The following DMD variants were observed in gnomAD, a reference collection of about 807,000 sequenced individuals.
DMD encodes the protein mutant dystrophin.
In DMD, 63 loss-of-function variants were observed where a neutral mutation model predicts 330.1. The ratio of observed to expected loss-of-function variants is 0.19; its 90% CI spans 0.16 to 0.24. The LOEUF is 0.24. DMD is among the 10% of genes least tolerant of loss of function. The probability of loss-of-function intolerance (pLI) is 1.00; values close to 1 mark genes in which losing one functional copy is unlikely to be tolerated. For synonymous variants in DMD, 1,223 were observed against 959.8 expected (o/e 1.27, Z -5.07); for missense variants, 3,344 against 2,684.1 (o/e 1.25, Z -5.43).
chrX:33,194,708 A>T (rs1309335911), intron 1 of DMD, among the ~76,000 whole-genome samples: 2 of 111,013 alleles, frequency 1.8e-5, no homozygotes, highest in Non-Finnish European at 3.8e-5. Context: ...AGGGCCTACT[A>T]CTTCAGTAAA....
intron 4 of DMD, among the ~76,000 whole-genome samples, chrX:32,838,803 A>G (rs1000837825): frequency 2.0e-4 from 23 of 112,299 alleles, no homozygotes; most frequent in Non-Finnish European, 3.9e-4. Context: ...ATGGAGAAAT[A>G]GGAATGCTTT....
intron 34 of DMD, among the ~76,000 whole-genome samples, chrX:32,365,445 A>T (rs1217884854): frequency 9.0e-6 from 1 of 111,129 alleles, no homozygotes; most frequent in South Asian, 3.7e-4. Context: ...ATAAACATAC[A>T]TATTGTTCAA....
At chrX:32,171,932 A>G (rs1248430616) in intron 44 of DMD, among the ~76,000 whole-genome samples, 5 of 111,870 alleles carry the variant, frequency 4.5e-5, no homozygotes, top group Non-Finnish European at 7.5e-5. Flanking sequence ...AAAGAAAAAA[A>G]TCAAATTCCT....
At chrX:31,753,281 G>A (rs1486521281) in intron 51 of DMD, among the ~76,000 whole-genome samples, 2 of 111,995 alleles carry the variant, frequency 1.8e-5, no homozygotes, top group Non-Finnish European at 3.8e-5. Context: ...TCATTTTCAG[G>A]TAAATGACCT....
intron 20 of DMD, among the ~76,000 whole-genome samples, chrX:32,486,185 C>T (rs1444668796): frequency 9.0e-6 from 1 of 111,197 alleles, no homozygotes; most frequent in East Asian, 2.8e-4. Flanking sequence ...GTCACTAGCT[C>T]ATGTGGCAAC....
At chrX:31,760,942 ATTT>A (rs35766737) in intron 51 of DMD, among the ~76,000 whole-genome samples, 3 of 80,879 alleles carry the variant, frequency 3.7e-5, no homozygotes, top group African/African-American at 4.8e-5. Flanking sequence ...CCTAGTTAGT[ATTT>A]TTTTTTTTTT....
At chrX:32,789,289 T>A (rs1323195096) in intron 7 of DMD, among the ~76,000 whole-genome samples, 1 of 112,335 alleles carries the variant, frequency 8.9e-6, no homozygotes, top group Non-Finnish European at 1.9e-5. Context: ...ACTCCAGTAA[T>A]TGAAGATGTG....
At chrX:31,912,672 C>T (rs996780550) in intron 47 of DMD, among the ~76,000 whole-genome samples, 1 of 111,759 alleles carries the variant, frequency 8.9e-6, no homozygotes, top group African/African-American at 3.3e-5. Context: ...CCTAATATAT[C>T]TCAGTCCATT....
At chrX:31,594,062 T>C (rs373171108) in intron 55 of DMD, among the ~76,000 whole-genome samples, 176 of 110,970 alleles carry the variant, frequency 1.6e-3, no homozygotes, top group African/African-American at 5.3e-3. Flanking sequence ...AAACACTATA[T>C]TAGACTAGCA....
chrX:33,011,832 G>A (rs193063090), intron 2 of DMD, among the ~76,000 whole-genome samples: 59 of 111,986 alleles, frequency 5.3e-4, no homozygotes, highest in African/African-American at 1.7e-3. Flanking sequence ...AATAAAATCA[G>A]ATAAATAATG....
At chrX:32,976,865 G>T (rs2092566497) in intron 2 of DMD, among the ~76,000 whole-genome samples, 1 of 111,284 alleles carries the variant, frequency 9.0e-6, no homozygotes, top group Non-Finnish European at 1.9e-5. Flanking sequence ...ATATATATAT[G>T]TAAGTTACAT....
chrX:32,785,254 GAC>G (rs1167283993), intron 7 of DMD, among the ~76,000 whole-genome samples: 1 of 107,624 alleles, frequency 9.3e-6, no homozygotes, highest in Non-Finnish European at 1.9e-5. Flanking sequence ...CAGAGTAAAA[GAC>G]ACATTAGCTA....
At chrX:32,026,637 GTTTC>G (rs1384534226) in intron 44 of DMD, among the ~76,000 whole-genome samples, 1 of 112,255 alleles carries the variant, frequency 8.9e-6, no homozygotes, top group Non-Finnish European at 1.9e-5. Context: ...TCCTAAATAT[GTTTC>G]TTTCTCCCCT....
Position 31,246,464 on chromosome X carries a change from A to G in DMD, c.9286+14491T>C, listed in dbSNP as rs775039027. Among the ~76,000 whole-genome samples the G allele has an allele frequency of 6.2e-5, 7 of 112,641 alleles. No individual in the cohort carries two copies. The East Asian group carries it at 1.9e-3, about 31-fold the overall frequency. On this transcript the variant is annotated intron_variant, in intron 63 of 78. Coordinates refer to ENST00000357033, the MANE Select transcript of DMD (RefSeq NM_004006.3). Reference sequence around the variant, plus strand: ...TTCAACATAGATGAAACAGCCTTCTATTTAAAGGTGATACTATCTAGGACT... The same window carrying G: ...TTCAACATAGATGAAACAGCCTTCTGTTTAAAGGTGATACTATCTAGGACT...
intron 11 of DMD, among the ~76,000 whole-genome samples, chrX:32,627,405 A>T (rs959396288): frequency 1.7e-4 from 18 of 105,114 alleles, no homozygotes; most frequent in Non-Finnish European, 1.1e-4. Context: ...AAGACTTACT[A>T]AAGAGTAATT....
At chrX:33,176,416 T>G (rs2049649667) in intron 1 of DMD, among the ~76,000 whole-genome samples, 1 of 52,076 alleles carries the variant, frequency 1.9e-5, no homozygotes, top group African/African-American at 5.9e-5. Flanking sequence ...GGAGAAGAGT[T>G]AATGTAAAAA....
At chrX:31,371,945 T>C (rs972543493) in intron 60 of DMD, among the ~76,000 whole-genome samples, 7 of 112,129 alleles carry the variant, frequency 6.2e-5, no homozygotes, top group African/African-American at 2.3e-4. Flanking sequence ...TCTGCTTTTG[T>C]ATCTAAAAAT....
intron 44 of DMD, among the ~76,000 whole-genome samples, chrX:32,126,189 T>C (rs1227774008): frequency 3.6e-5 from 4 of 112,504 alleles, no homozygotes; most frequent in African/African-American, 9.7e-5. Context: ...CATTGGTACA[T>C]GTGTTTTATA....
At chrX:32,762,951 G>T (rs912091815) in intron 7 of DMD, among the ~76,000 whole-genome samples, 4 of 111,886 alleles carry the variant, frequency 3.6e-5, no homozygotes, top group Non-Finnish European at 7.5e-5. Flanking sequence ...TGTCAGTGGT[G>T]CTTCCTTTGA....
Sources: allele counts gnomAD v4.1 joint callset (sites outside exome capture counted in the v4.1 genomes callset), GRCh38; gene constraint gnomAD v4.1.1; transcripts MANE v1.5; gene names NCBI Gene and HGNC (gene_info 2026-07-23, HGNC 2026-07-21).